PLEK: variants seen among roughly 807,000 people sequenced by gnomAD.
PLEK encodes the protein platelet 47 kDa protein.
PLEK carries 25 observed loss-of-function variants against 43.9 expected under a neutral mutation model. That is an observed-to-expected ratio of 0.57 (90% CI 0.41 to 0.79). The LOEUF (loss-of-function observed/expected upper bound fraction) is 0.79, where lower values mean the gene tolerates loss of function less well. Ranked by LOEUF, PLEK falls within the 30% of genes least tolerant of loss-of-function variation. PLEK has a pLI of 0.00. For synonymous variants in PLEK, 152 were observed against 144.4 expected, an observed-to-expected ratio of 1.05 and a Z score of -0.38; for missense variants, 396 against 413.3, an observed-to-expected ratio of 0.96 and a Z score of 0.36.
intron 8 of PLEK, among the ~76,000 whole-genome samples, chr2:68,394,629 T>C (rs1673930265): frequency 6.6e-6 from 1 of 152,144 alleles, no homozygotes; most frequent in Non-Finnish European, 1.5e-5. Context: ...TCTCCAGGCC[T>C]TGGGGAGTTG....
chr2:68,365,499 C>T (rs1673250742), intron 1 of PLEK, 106 bp downstream of exon 1: 1 of 941,144 alleles, frequency 1.1e-6, no homozygotes, highest in Admixed American at 1.8e-5. Context: ...TCCTGTTCAA[C>T]CAGTTGGGTT....
chr2:68,396,203 C>G lies in PLEK; in HGVS notation c.*387C>G. ...AACACTCGCAGTAGTGATAGTGTATCTAGTTGTTCTGCTGGTGTCCTTCCT... is the reference window on the plus strand; with the variant it reads ...AACACTCGCAGTAGTGATAGTGTATGTAGTTGTTCTGCTGGTGTCCTTCCT... On this transcript the variant is annotated 3_prime_UTR_variant, in exon 9 of 9. Transcript: ENST00000234313. 5.6e-6 allele frequency: 1 copy of G among 178,614 alleles called. No individual in the cohort carries two copies. Among genetic ancestry groups the G allele is most frequent in the Non-Finnish European group, 1.2e-5 (1 of 82,638 alleles). 11.1% of individuals were successfully genotyped at this position (178,614 alleles called of 1,614,324 possible). A position where few individuals can be genotyped will look rare whatever the true frequency, so the allele number is the denominator to read the frequency against.
chr2:68,366,669 C>A (rs781726989), intron 1 of PLEK, among the ~76,000 whole-genome samples: 15 of 152,148 alleles, frequency 9.9e-5, no homozygotes, highest in Non-Finnish European at 1.8e-4. Context: ...ATCTCTGTAG[C>A]CAGCTGTGCT....
At chr2:68,384,990 G>T (rs1177829926) in intron 4 of PLEK, among the ~76,000 whole-genome samples, 1 of 152,190 alleles carries the variant, frequency 6.6e-6, no homozygotes, top group African/African-American at 2.4e-5. Flanking sequence ...TGGAAGGCTC[G>T]CTATCCAACT....
In PLEK at chr2:68,380,824, T is replaced by G. The variant is rs1192810886; in HGVS notation, c.300T>G (p.Ile100Met). ...DAWVRDIKKA[I>M]KCIEGGQKFA... ...GGGTTCGGGATATCAAGAAGGCCAT[T>G]AAATGCATTGAAGGAGGCCAGAAAT... The change falls in exon 3 of 9, where the codon ATT (isoleucine) becomes ATG (methionine). Residue 100 changes from isoleucine to methionine, a missense_variant. Physicochemically the swap from Ile to Met is conservative, Grantham distance 10. Transcript: ENST00000234313. The G allele has an allele frequency of 6.2e-7, 1 of 1,613,992 alleles. No individual in the cohort carries two copies. Among genetic ancestry groups the G allele is most frequent in the African/African-American group, 1.3e-5 (1 of 75,014 alleles).
intron 1 of PLEK, among the ~76,000 whole-genome samples, chr2:68,367,835 A>T (rs1038324399): frequency 2.0e-5 from 3 of 152,210 alleles, no homozygotes; most frequent in African/African-American, 7.2e-5. Flanking sequence ...TTTTGATATT[A>T]AAGCATGAAA....
intron 1 of PLEK, among the ~76,000 whole-genome samples, chr2:68,368,347 T>C (rs1472313620): frequency 6.6e-6 from 1 of 152,250 alleles, no homozygotes; most frequent in African/African-American, 2.4e-5. Flanking sequence ...AACCACCCTA[T>C]GTGATCCTCA....
Position 68,388,421 on chromosome 2 carries a change from GTGA to G in PLEK, c.701_703del (p.Asp234del). On this transcript the variant is annotated inframe_deletion, in exon 6 of 9. Coordinates refer to ENST00000234313, the MANE Select transcript of PLEK (RefSeq NM_002664.3). ...GGGTTCTTCTGTGAAGAGAATTCCA[GTGA>G]TGATGATGTGATTCTGAAAGAAGAA... 1.2e-6 allele frequency: 2 copies of G among 1,611,504 alleles called. No homozygotes were observed. The highest frequency in any genetic ancestry group is 8.5e-7 in the Non-Finnish European group (1 of 1,177,616).
At chr2:68,391,781 A>G (rs571611687) in intron 6 of PLEK, among the ~76,000 whole-genome samples, 2 of 152,368 alleles carry the variant, frequency 1.3e-5, no homozygotes, top group African/African-American at 4.8e-5. Flanking sequence ...GAAATTACAA[A>G]TAATATTTCT....
At chr2:68,372,426 T>G in intron 1 of PLEK, among the ~76,000 whole-genome samples, 1 of 152,178 alleles carries the variant, frequency 6.6e-6, no homozygotes, top group Non-Finnish European at 1.5e-5. Flanking sequence ...TCCACCCACC[T>G]CAGCCTCTTA....
rs978122187 is a variant in PLEK at position 68,397,209 on chromosome 2, T to C, written c.*1393T>C. The C allele has an allele frequency of 6.6e-6, 1 of 152,094 alleles. No individual in the cohort carries two copies. The highest frequency in any genetic ancestry group is 2.4e-5 in the African/African-American group (1 of 41,398). The allele number at this position is 152,094 out of a possible 1,614,324, so 9.4% of individuals were successfully genotyped here. A position where few individuals can be genotyped will look rare whatever the true frequency, so the allele number is the denominator to read the frequency against. ...CAGGAAAGAAAGGAGAGTAGAACAT[T>C]TTTCCTCATTTTATCAAATCCTCTC... On this transcript the variant is annotated 3_prime_UTR_variant, in exon 9 of 9. Coordinates refer to ENST00000234313, the MANE Select transcript of PLEK (RefSeq NM_002664.3).
Position 68,391,249 on chromosome 2 carries a change from G to A in PLEK, c.763-1913G>A, listed in dbSNP as rs1573081386. 2.0e-5 allele frequency among the ~76,000 whole-genome samples: 3 copies of A among 151,288 alleles called. 1 individual carries two copies. Among genetic ancestry groups the A allele is most frequent in the Non-Finnish European group, 4.4e-5 (3 of 67,814 alleles). On this transcript the variant is annotated intron_variant, in intron 6 of 8. Coordinates refer to ENST00000234313, the MANE Select transcript of PLEK (RefSeq NM_002664.3). Reference sequence around the variant, plus strand: ...ATTGTGATGTCAGTGAGGGCTTAAAGGGAATATGGTGGTTGGCTGATTTCA... The same window carrying A: ...ATTGTGATGTCAGTGAGGGCTTAAAAGGAATATGGTGGTTGGCTGATTTCA...
intron 6 of PLEK, among the ~76,000 whole-genome samples, chr2:68,390,609 TA>T: frequency 6.6e-6 from 1 of 152,354 alleles, no homozygotes; most frequent in African/African-American, 2.4e-5. Context: ...CAGTGGTTAG[TA>T]ACCATAGTTT....
At chr2:68,393,984 C>G in intron 7 of PLEK, 123 bp from the exon 8 acceptor site, 2 of 686,100 alleles carry the variant, frequency 2.9e-6, no homozygotes, top group Middle Eastern at 5.4e-4. Flanking sequence ...TCTCCTTCTG[C>G]TCTTACTTAT....
chr2:68,374,898 T>A (rs1673473817), intron 1 of PLEK, among the ~76,000 whole-genome samples: 1 of 152,208 alleles, frequency 6.6e-6, no homozygotes, highest in Non-Finnish European at 1.5e-5. Flanking sequence ...ATAATGGATT[T>A]ATATATTATA....
chr2:68,395,166 T>C (rs2103788838), intron 8 of PLEK, among the ~76,000 whole-genome samples: 1 of 151,744 alleles, frequency 6.6e-6, no homozygotes, highest in South Asian at 2.1e-4. Flanking sequence ...TCTGGCTTTG[T>C]GTATGTATAT....
At chr2:68,365,537 A>C in intron 1 of PLEK, 144 bp downstream of exon 1, 2 of 679,700 alleles carry the variant, frequency 2.9e-6, no homozygotes, top group Middle Eastern at 2.7e-4. Context: ...TAGCACATAG[A>C]ATGTTGGAGT....
chr2:68,379,154 A>G (rs1421675127), intron 1 of PLEK, among the ~76,000 whole-genome samples: 1 of 152,086 alleles, frequency 6.6e-6, no homozygotes, highest in African/African-American at 2.4e-5. Context: ...AAATAAAAAT[A>G]AAATTTAAAA....
rs150133955 is a variant in PLEK at position 68,371,759 on chromosome 2, G to T, written c.42+6366G>T. Among the ~76,000 whole-genome samples the T allele has an allele frequency of 1.6e-3, 249 of 151,702 alleles. 1 individual carries two copies. The highest frequency in any genetic ancestry group is 5.9e-3 in the African/African-American group (243 of 41,376). On this transcript the variant is annotated intron_variant, in intron 1 of 8. Transcript: ENST00000234313. ...CAGAATTATCATTTTCCTTGCTTTCGATCTTACACTTCTCTGTATACAACC... is the reference window on the plus strand; with the variant it reads ...CAGAATTATCATTTTCCTTGCTTTCTATCTTACACTTCTCTGTATACAACC...
Sources: allele counts gnomAD v4.1 joint callset (sites outside exome capture counted in the v4.1 genomes callset), GRCh38; gene constraint gnomAD v4.1.1; transcripts MANE v1.5; gene names NCBI Gene and HGNC (gene_info 2026-07-23, HGNC 2026-07-21).